The following ADAM23 variants were observed in gnomAD, a reference collection of about 807,000 sequenced individuals.
The protein encoded by ADAM23 is disintegrin and metalloproteinase domain-containing protein 23.
In ADAM23, 33 loss-of-function variants were observed where a neutral mutation model predicts 120.1. The ratio of observed to expected loss-of-function variants is 0.27; its 90% CI spans 0.21 to 0.37. ADAM23 has a LOEUF of 0.37. ADAM23 is among the 10% of genes least tolerant of loss of function. ADAM23 has a pLI of 1.00. For missense variants in ADAM23, 862 were observed against 1,058.2 expected (o/e 0.81, Z 2.57); for synonymous variants, 367 against 375.2 (o/e 0.98, Z 0.25).
In ADAM23 at chr2:206,469,491, A is replaced by T. The variant is rs187161610; in HGVS notation, c.433-11741A>T. ...CAAACCCCTATCACCTCCTACCTGG[A>T]TTATTTTGCAAAAGTCTCTTAAGGC... On this transcript the variant is annotated intron_variant, in intron 2 of 25. Transcript: ENST00000264377. 1.0e-3 allele frequency among the ~76,000 whole-genome samples: 157 copies of T among 152,248 alleles called. 1 individual carries two copies. Among genetic ancestry groups the T allele is most frequent in the Middle Eastern group, 3.4e-3 (1 of 294 alleles).
intron 3 of ADAM23, among the ~76,000 whole-genome samples, chr2:206,497,746 A>G (rs560906956): frequency 1.3e-5 from 2 of 152,312 alleles, no homozygotes; most frequent in South Asian, 2.1e-4. Flanking sequence ...TTGTGTATCT[A>G]GAAAACCCCA....
chr2:206,618,856 C>T lies in ADAM23; in HGVS notation c.*1229C>T, dbSNP rs1388021429. On this transcript the variant is annotated 3_prime_UTR_variant, in exon 26 of 26. Transcript: ENST00000264377. ...AAAGTAGACACCCTTTCAGATTAAT[C>T]ACAAAAGTGCCAAGCTCATGATTTT... The T allele has an allele frequency of 6.6e-6, 1 of 152,170 alleles. No homozygotes were observed. The highest frequency in any genetic ancestry group is 1.5e-5 in the Non-Finnish European group (1 of 68,032). The allele number at this position is 152,170 out of a possible 1,614,324, so 9.4% of individuals were successfully genotyped here.
At chr2:206,562,097 C>T in intron 12 of ADAM23, 106 bp from the exon 13 acceptor site, 2 of 883,060 alleles carry the variant, frequency 2.3e-6, no homozygotes, top group Non-Finnish European at 3.6e-6. Context: ...TACTGACAGG[C>T]TCTACTTAGG....
chr2:206,593,697 C>T (rs772625915), intron 22 of ADAM23, among the ~76,000 whole-genome samples: 62 of 151,926 alleles, frequency 4.1e-4, no homozygotes, highest in South Asian at 4.2e-4. Context: ...TGTTTTCATG[C>T]CTTTAGATAA....
At chr2:206,589,211 G>A (rs1405447146) in intron 20 of ADAM23, among the ~76,000 whole-genome samples, 198 bp from the exon 21 acceptor site, 1 of 152,080 alleles carries the variant, frequency 6.6e-6, no homozygotes, top group Non-Finnish European at 1.5e-5. Flanking sequence ...CAGGAATTTT[G>A]GAAGCCCATG....
At chr2:206,496,790 A>T (rs1371114485) in intron 3 of ADAM23, among the ~76,000 whole-genome samples, 1 of 152,218 alleles carries the variant, frequency 6.6e-6, no homozygotes, top group Non-Finnish European at 1.5e-5. Flanking sequence ...GAAGAATCAA[A>T]TAGACACAAT....
intron 3 of ADAM23, among the ~76,000 whole-genome samples, chr2:206,482,603 T>C (rs1177886976): frequency 1.3e-5 from 2 of 152,170 alleles, no homozygotes; most frequent in East Asian, 1.9e-4. Context: ...CTTAGAGGTC[T>C]GGAAATGTGC....
Position 206,617,990 on chromosome 2 carries a change from G to C in ADAM23, c.*363G>C, listed in dbSNP as rs188598597. Reference sequence around the variant, plus strand: ...TAAATGATTTTTTTTCCCTCAGCCTGCTGGCACTTAATATCTTCTAAATGA... The same window carrying C: ...TAAATGATTTTTTTTCCCTCAGCCTCCTGGCACTTAATATCTTCTAAATGA... On this transcript the variant is annotated 3_prime_UTR_variant, in exon 26 of 26. Transcript: ENST00000264377. 1 of 187,338 alleles carries C rather than the reference G, an allele frequency of 5.3e-6. No homozygotes were observed. Among genetic ancestry groups the C allele is most frequent in the African/African-American group, 2.4e-5 (1 of 42,292 alleles). 11.6% of individuals were successfully genotyped at this position (187,338 alleles called of 1,614,324 possible).
intron 18 of ADAM23, among the ~76,000 whole-genome samples, chr2:206,573,817 T>G (rs1282331920): frequency 6.8e-6 from 1 of 147,710 alleles, no homozygotes; most frequent in Non-Finnish European, 1.5e-5. Flanking sequence ...GTATTTTACT[T>G]TTTTTTTTTT....
chr2:206,505,428 G>C (rs528127115), intron 3 of ADAM23, among the ~76,000 whole-genome samples: 1 of 152,166 alleles, frequency 6.6e-6, no homozygotes, highest in Non-Finnish European at 1.5e-5. Context: ...AACTGGGTAA[G>C]GGTTTATGGA....
chr2:206,477,897 A>AAAAAAAAAAAAAAAAATATATATAT (rs374524658), intron 2 of ADAM23, among the ~76,000 whole-genome samples: 1 of 93,604 alleles, frequency 1.1e-5, no homozygotes, highest in African/African-American at 5.2e-5. Flanking sequence ...AAAAAAAAAA[A>AAAAAAAAAAAAAAAAATATATATAT]ATATATATAT....
intron 17 of ADAM23, among the ~76,000 whole-genome samples, chr2:206,572,356 A>G (rs988128245): frequency 2.6e-5 from 4 of 152,312 alleles, no homozygotes; most frequent in African/African-American, 7.2e-5. Context: ...TCTTCCATCT[A>G]CAGAGACCAC....
chr2:206,449,069 G>T (rs1348481829), intron 2 of ADAM23, among the ~76,000 whole-genome samples: 1 of 152,158 alleles, frequency 6.6e-6, no homozygotes, highest in Non-Finnish European at 1.5e-5. Flanking sequence ...TCCAGGCTAA[G>T]AGTGTCAGAA....
Position 206,604,475 on chromosome 2 carries a change from C to T in ADAM23, c.2360-5435C>T, listed in dbSNP as rs1698696135. On this transcript the variant is annotated intron_variant, in intron 24 of 25. Coordinates refer to ENST00000264377, the MANE Select transcript of ADAM23 (RefSeq NM_003812.4). Reference sequence around the variant, plus strand: ...GTATTGTCATAGTGGGGAAACATTGCTGCCACCTTCTGTGTTGGTCTTCTT... The same window carrying T: ...GTATTGTCATAGTGGGGAAACATTGTTGCCACCTTCTGTGTTGGTCTTCTT... 2.0e-5 allele frequency among the ~76,000 whole-genome samples: 3 copies of T among 152,092 alleles called. No homozygotes were observed. In the South Asian group the frequency reaches 6.2e-4, roughly 32 times the overall value.
intron 13 of ADAM23, among the ~76,000 whole-genome samples, chr2:206,562,784 G>A (rs547617984): frequency 6.6e-6 from 1 of 152,244 alleles, no homozygotes; most frequent in Non-Finnish European, 1.5e-5. Context: ...CCCTGCCCCA[G>A]GGCCTTTTAA....
At chr2:206,463,573 G>T (rs1314777761) in intron 2 of ADAM23, among the ~76,000 whole-genome samples, 1 of 152,222 alleles carries the variant, frequency 6.6e-6, no homozygotes, top group East Asian at 1.9e-4. Context: ...AGTCAAAAAT[G>T]ACTACTATTC....
chr2:206,467,044 C>G (rs934072092), intron 2 of ADAM23, among the ~76,000 whole-genome samples: 1 of 152,150 alleles, frequency 6.6e-6, no homozygotes, highest in African/African-American at 2.4e-5. Context: ...CATGGAAAAC[C>G]GCTTGCGTGA....
chr2:206,498,161 A>G (rs1416224156), intron 3 of ADAM23, among the ~76,000 whole-genome samples: 1 of 152,222 alleles, frequency 6.6e-6, no homozygotes, highest in African/African-American at 2.4e-5. Flanking sequence ...TTTAAAGTTT[A>G]TATGGAACCA....
chr2:206,470,029 C>T (rs1012684660), intron 2 of ADAM23, among the ~76,000 whole-genome samples: 6 of 152,170 alleles, frequency 3.9e-5, no homozygotes, highest in Non-Finnish European at 7.3e-5. Flanking sequence ...TATCACTCAT[C>T]ACTATCTAAC....
Sources: allele counts gnomAD v4.1 joint callset (sites outside exome capture counted in the v4.1 genomes callset), GRCh38; gene constraint gnomAD v4.1.1; transcripts MANE v1.5; gene names NCBI Gene and HGNC (gene_info 2026-07-23, HGNC 2026-07-21).